The following CNTNAP1 variants were observed in gnomAD, a reference collection of about 807,000 sequenced individuals.
CNTNAP1 encodes the protein contactin associated protein 1, also known as contactin-associated protein 1.
A neutral mutation model predicts 161.5 loss-of-function variants in CNTNAP1; 80 were observed. That is an observed-to-expected ratio of 0.50 (90% CI 0.41 to 0.60). The LOEUF (loss-of-function observed/expected upper bound fraction) is 0.60. Among genes scored for constraint, CNTNAP1 ranks in the 20% least tolerant of loss-of-function variants. The pLI is 0.00. For missense variants in CNTNAP1, 1,464 were observed against 1,854.8 expected (o/e 0.79, Z 3.87); for synonymous variants, 695 against 733.1 (o/e 0.95, Z 0.84).
rs762856453 is a variant in CNTNAP1, at chr17:42,690,862, G to A, written c.1979G>A (p.Ser660Asn). The change falls in exon 13 of 24, where the codon AGT becomes AAT. Residue 660 changes from serine (S) to asparagine (N), a missense_variant. Around this residue, in one of 3 missense-constraint regions of CNTNAP1, gnomAD observed 1,383 missense variants for 1,765.0 expected, o/e 0.78. Transcript: ENST00000264638. ...TGGAATGCATCCTGGGAGGAAGTCA[G>A]TGCCCTTGCCAATGCTTCCCAGCAT... ...QYWNASWEEV[S>N]ALANASQHCE... 2 of 1,614,120 alleles carry A rather than the reference G, an allele frequency of 1.2e-6. No homozygotes were observed. Among genetic ancestry groups the A allele is most frequent in the East Asian group, 2.2e-5 (1 of 44,900 alleles).
intron 11 of CNTNAP1, chr17:42,689,875 G>A (rs1450324773): frequency 8.5e-6 from 5 of 587,480 alleles, no homozygotes; most frequent in Non-Finnish European, 1.5e-5. Flanking sequence ...TAAGTAGCTG[G>A]GACTACAGGT....
At position 42,692,647 on chromosome 17, in the gene CNTNAP1, C is replaced by T. The variant is rs551415192; in HGVS notation, c.2679C>T (p.His893=). 6.2e-7 allele frequency: 1 copy of T among 1,614,226 alleles called. No individual in the cohort carries two copies. The highest frequency in any genetic ancestry group is 1.7e-5 in the Admixed American group (1 of 60,032). ...AGCAGGCCCGGCTCCGAGTGGATCA[C>T]CGGCCCTGGGTTCTGCGGCCTATGC... is the stretch of plus-strand genomic sequence containing the variant. ...NVKQARLRVD[H]RPWVLRPMPL... The change falls in exon 17 of 24, where the codon CAC becomes CAT. Residue 893 remains histidine, a synonymous_variant. Coordinates refer to ENST00000264638, the MANE Select transcript of CNTNAP1 (RefSeq NM_003632.3).
intron 8 of CNTNAP1, 135 bp downstream of exon 8, chr17:42,688,116 G>A: frequency 2.3e-6 from 3 of 1,312,374 alleles, no homozygotes; most frequent in Non-Finnish European, 2.1e-6. Context: ...GAGGCCCCAG[G>A]GTACTGGGAA....
chr17:42,688,559 C>A lies in CNTNAP1; in HGVS notation c.1404C>A (p.Val468=). The A allele has an allele frequency of 6.2e-7, 1 of 1,614,190 alleles. No homozygotes were observed. The highest frequency in any genetic ancestry group is 1.1e-5 in the South Asian group (1 of 91,080). ...TTGATGATGTGGAAGGGGCAGAGGT[C>A]AGGGTCTCATACCCGTTGCTGATCC... ...ISIDDVEGAE[V]RVSYPLLIRT... is the part of the protein sequence containing the mutation. The change falls in exon 9 of 24, where the codon GTC becomes GTA. Residue 468 remains valine (V), a synonymous_variant. Transcript: ENST00000264638.
Position 42,687,923 on chromosome 17 carries a change from A to C in CNTNAP1, c.1248A>C (p.Glu416Asp), listed in dbSNP as rs1241364565. ...GCCACGTGGAGCTGACGCTCAGCGA[A>C]GGGCAGGTCAACGTGTCCATCGCGC... is the stretch of plus-strand genomic sequence containing the variant. ...GLGHVELTLS[E>D]GQVNVSIAQS... Residue 416 changes from glutamate to aspartate, a missense_variant, in exon 8 of 24, where the codon GAA becomes GAC. Coordinates refer to ENST00000264638, the MANE Select transcript of CNTNAP1 (RefSeq NM_003632.3). The surrounding 1 kb of genome is among the most constrained non-coding windows in gnomAD (Gnocchi z 4.7). 1 of 1,614,200 alleles carries C rather than the reference A, an allele frequency of 6.2e-7. No homozygotes were observed. Among genetic ancestry groups the C allele is most frequent in the African/African-American group, 1.3e-5 (1 of 75,058 alleles).
chr17:42,695,767 C>T lies in CNTNAP1; in HGVS notation c.3239C>T (p.Thr1080Met), dbSNP rs372272058. The T allele has an allele frequency of 2.1e-5, 34 of 1,614,096 alleles. No individual in the cohort carries two copies. The Middle Eastern group carries it at 4.9e-4, about 23-fold the overall frequency. The change falls in exon 19 of 24, where the codon ACG becomes ATG. Residue 1080 changes from threonine to methionine, a missense_variant. Thr to Met is a moderately conservative substitution (Grantham distance 81). Around this residue, in one of 3 missense-constraint regions of CNTNAP1, gnomAD observed 1,383 missense variants for 1,765.0 expected, o/e 0.78. Transcript: ENST00000264638. ...TACCGTGGGCCTGTCTACAACGTTA[C>T]GGGAGAGGAGGTCTCCTTCAGCTTC... ...PGYRGPVYNVTGEEVSFSFST... is the reference protein window; with the variant it reads ...PGYRGPVYNVMGEEVSFSFST...
Position 42,689,624 on chromosome 17 carries a change from A to G in CNTNAP1, c.1732A>G (p.Thr578Ala). Reference sequence around the variant, plus strand: ...GGGCTACAAGGGAGAGACCTGCCACACACGTAAGCCAGATGTGGTATGGGG... The same window carrying G: ...GGGCTACAAGGGAGAGACCTGCCACGCACGTAAGCCAGATGTGGTATGGGG... The part of the protein sequence containing the change: ...LTGYKGETCH[T>A]PLYKESCEAY... Residue 578 changes from threonine (T) to alanine (A), a missense_variant, in exon 11 of 24, where the codon ACA becomes GCA. Transcript: ENST00000264638. The G allele has an allele frequency of 6.2e-7, 1 of 1,613,514 alleles. No individual in the cohort carries two copies. The highest frequency in any genetic ancestry group is 8.5e-7 in the Non-Finnish European group (1 of 1,179,550).
chr17:42,699,105 T>A lies in CNTNAP1; in HGVS notation c.*195T>A. On this transcript the variant is annotated 3_prime_UTR_variant, in exon 24 of 24. Coordinates refer to ENST00000264638, the MANE Select transcript of CNTNAP1 (RefSeq NM_003632.3). ...AAGGGAGTGGCCGAGCCTCACTGCC[T>A]AAACCAATGCCCTTCTCATCCCTGT... 1 of 483,300 alleles carries A rather than the reference T, an allele frequency of 2.1e-6. No homozygotes were observed. Among genetic ancestry groups the A allele is most frequent in the Non-Finnish European group, 3.6e-6 (1 of 276,136 alleles). The allele number at this position is 483,300 out of a possible 1,614,324, so 29.9% of individuals were successfully genotyped here.
chr17:42,688,299 G>T (rs1342998843), intron 8 of CNTNAP1, among the ~76,000 whole-genome samples, 163 bp from the exon 9 acceptor site: 1 of 152,176 alleles, frequency 6.6e-6, no homozygotes, highest in African/African-American at 2.4e-5. Flanking sequence ...CATGGATAAT[G>T]AAGAGACATT....
Position 42,687,818 on chromosome 17 carries a change from C to T in CNTNAP1, c.1143C>T (p.Gly381=), listed in dbSNP as rs868491951. 1 of 1,614,266 alleles carries T rather than the reference C, an allele frequency of 6.2e-7. No individual in the cohort carries two copies. The highest frequency in any genetic ancestry group is 1.3e-5 in the African/African-American group (1 of 75,076). ...AAGTGCCCGGTTTCCCACGCCGTGG[C>T]CGCCTGGCAGTCTCATTTCGCTTCC... The part of the protein sequence containing the change: ...FVQVPGFPRR[G]RLAVSFRFRT... Residue 381 remains glycine (G), a synonymous_variant, in exon 8 of 24, where the codon GGC becomes GGT. Transcript: ENST00000264638. The surrounding 1 kb of genome is among the most constrained non-coding windows in gnomAD (Gnocchi z 4.7).
chr17:42,697,842 G>A (rs765514151), intron 22 of CNTNAP1, 43 bp downstream of exon 22: 42 of 1,614,022 alleles, frequency 2.6e-5, no homozygotes, highest in East Asian at 4.5e-5. Context: ...GGGATGACAC[G>A]GAAGGGAATG....
chr17:42,693,392 T>TCACCCAA lies in CNTNAP1; in HGVS notation c.2849_2850insACCCAAC (p.Glu951ProfsTer3). 6.2e-7 allele frequency: 1 copy of TCACCCAA among 1,614,212 alleles called. No individual in the cohort carries two copies. The highest frequency in any genetic ancestry group is 8.5e-7 in the Non-Finnish European group (1 of 1,180,036). On this transcript the variant is annotated frameshift_variant, in exon 18 of 24. Transcript: ENST00000264638. LOFTEE classifies it high-confidence loss of function. ...GAACCTGGAGGGCCGTGCCAATGCCTCTGAGGGTACCTCACCCAACTGCAC... is the reference window on the plus strand; with the variant it reads ...GAACCTGGAGGGCCGTGCCAATGCCTCACCCAACTGAGGGTACCTCACCCAACTGCAC...
chr17:42,692,086 C>A, intron 16 of CNTNAP1, 95 bp downstream of exon 16: 2 of 1,295,798 alleles, frequency 1.5e-6, no homozygotes, highest in South Asian at 2.6e-5. Flanking sequence ...GGCAGATGCC[C>A]TTTTGACAGG....
intron 6 of CNTNAP1, 81 bp from the exon 7 acceptor site, chr17:42,686,822 G>C: frequency 6.8e-7 from 1 of 1,472,776 alleles, no homozygotes; most frequent in Non-Finnish European, 9.1e-7. Context: ...CTGGCATTTG[G>C]GAAAGCATAC....
Position 42,682,764 on chromosome 17 carries a change from A to T in CNTNAP1, c.-66A>T, listed in dbSNP as rs939922733. ...CCCCAGGAGGAGAGCTTGGAGCCCA[A>T]GCCAGAACTCGAGCCCTAGCCGGAG... On this transcript the variant is annotated 5_prime_UTR_variant, in exon 1 of 24. It adds an upstream start codon to the 5' untranslated region. Transcript: ENST00000264638. The T allele has an allele frequency of 1.3e-6, 2 of 1,509,910 alleles. No individual in the cohort carries two copies. Among genetic ancestry groups the T allele is most frequent in the African/African-American group, 2.8e-5 (2 of 72,522 alleles). The allele number at this position is 1,509,910 out of a possible 1,614,324, so 93.5% of individuals were successfully genotyped here.
rs146355564 is a variant in CNTNAP1, at chr17:42,696,416, C to T, written c.3474+264C>T. On this transcript the variant is annotated intron_variant, in intron 20 of 23. Coordinates refer to ENST00000264638, the MANE Select transcript of CNTNAP1 (RefSeq NM_003632.3). ...TCAGCTCACTGCAACCTCTGCCTCCCGGGTTCAAGCAATTCTTCTGCCTCA... is the reference window on the plus strand; with the variant it reads ...TCAGCTCACTGCAACCTCTGCCTCCTGGGTTCAAGCAATTCTTCTGCCTCA... 4.6e-3 allele frequency among the ~76,000 whole-genome samples: 697 copies of T among 151,080 alleles called. 4 individuals are homozygous for T. The highest frequency in any genetic ancestry group is 0.014 in the African/African-American group (575 of 41,020).
In CNTNAP1 at chr17:42,685,687, C is replaced by G. The variant is rs2052997009; in HGVS notation, c.715+267C>G. Among the ~76,000 whole-genome samples, 1 of 152,242 alleles carries G rather than the reference C, an allele frequency of 6.6e-6. No homozygotes were observed. Among genetic ancestry groups the G allele is most frequent in the South Asian group, 2.1e-4 (1 of 4,832 alleles). On this transcript the variant is annotated intron_variant, in intron 5 of 23. Transcript: ENST00000264638. This position sits in a 1 kb window ranked among gnomAD's most constrained non-coding sequence, Gnocchi z 5.0. ...AGCCTCAGTTCCCTCCTTGTAAACA[C>G]ACACACACAGACGCACACACATTGT...
chr17:42,692,095 G>T, intron 16 of CNTNAP1, 104 bp downstream of exon 16: 2 of 1,216,342 alleles, frequency 1.6e-6, no homozygotes, highest in East Asian at 2.3e-5. Context: ...CCTTTTGACA[G>T]GCAGCATGGG....
chr17:42,694,262 C>T (rs1440891540), intron 18 of CNTNAP1, among the ~76,000 whole-genome samples: 1 of 151,808 alleles, frequency 6.6e-6, no homozygotes, highest in Non-Finnish European at 1.5e-5. Flanking sequence ...ACCTCCACCT[C>T]CCGGGCTGAA....
Sources: gnomAD v4.1 joint callset for allele counts (sites outside exome capture counted in the v4.1 genomes callset) on GRCh38, gnomAD v4.1.1 for gene constraint, gnomAD v4.1.1 regional missense constraint, Gnocchi (gnomAD v3.1) non-coding constraint, MANE v1.5 for transcripts, NCBI Gene and HGNC (gene_info 2026-07-23, HGNC 2026-07-21) for gene names.